Variants in SMURF2 observed in about 807,000 individuals in gnomAD.
SMURF2 encodes E3 ubiquitin-protein ligase SMURF2.
Under a neutral mutation model 109.6 loss-of-function variants are expected in SMURF2, and 48 were observed. The observed-to-expected ratio is 0.44, with a 90% CI of 0.35 to 0.56. The LOEUF (loss-of-function observed/expected upper bound fraction) is 0.56. SMURF2 is among the 20% of genes least tolerant of loss of function. The pLI is 0.01. For missense variants in SMURF2, 575 were observed against 909.0 expected (o/e 0.63, Z 4.72); for synonymous variants, 288 against 317.1 (o/e 0.91, Z 0.97).
chr17:64,593,178 G>A (rs1969772321), intron 4 of SMURF2: 3 of 178,058 alleles, frequency 1.7e-5, no homozygotes, highest in Non-Finnish European at 3.5e-5. Flanking sequence ...CCCTGATTTG[G>A]CTGTAAGTTT....
At chr17:64,590,492 C>T (rs1469272412) in intron 5 of SMURF2, among the ~76,000 whole-genome samples, 4 of 152,038 alleles carry the variant, frequency 2.6e-5, no homozygotes, top group African/African-American at 9.7e-5. Context: ...CAGTGTCCTT[C>T]CATACTAGGC....
At chr17:64,607,176 G>C (rs1043919907) in intron 1 of SMURF2, among the ~76,000 whole-genome samples, 67 of 150,378 alleles carry the variant, frequency 4.5e-4, no homozygotes, top group African/African-American at 1.5e-3. Flanking sequence ...TAAATGACAA[G>C]ATATGTCTAC....
At chr17:64,585,923 A>G (rs561193795) in intron 6 of SMURF2, among the ~76,000 whole-genome samples, 163 bp downstream of exon 6, 1 of 152,336 alleles carries the variant, frequency 6.6e-6, no homozygotes, top group East Asian at 1.9e-4. Flanking sequence ...TATTTTATAA[A>G]TTTGTCGAGA....
intron 1 of SMURF2, among the ~76,000 whole-genome samples, chr17:64,640,693 G>C (rs1970481999): frequency 6.6e-6 from 1 of 152,094 alleles, no homozygotes; most frequent in Admixed American, 6.6e-5. Context: ...GGCCAAGGCA[G>C]GCAGATCACG....
intron 1 of SMURF2, among the ~76,000 whole-genome samples, chr17:64,624,078 G>A (rs1368144691): frequency 1.3e-5 from 2 of 152,144 alleles, no homozygotes; most frequent in Admixed American, 1.3e-4. Flanking sequence ...TTGTTTTTCA[G>A]AGAAAGTTAC....
chr17:64,570,915 G>A (rs150888955), intron 10 of SMURF2, among the ~76,000 whole-genome samples: 125 of 152,168 alleles, frequency 8.2e-4, no homozygotes, highest in African/African-American at 2.7e-3. Flanking sequence ...TGAGTAGCTG[G>A]GACCACAGGT....
chr17:64,640,518 T>C (rs1555692480), intron 1 of SMURF2, among the ~76,000 whole-genome samples: 3 of 152,170 alleles, frequency 2.0e-5, no homozygotes, highest in African/African-American at 7.2e-5. Flanking sequence ...CAAAGTATAA[T>C]GGAAAGACAC....
chr17:64,639,935 A>G (rs1970472650), intron 1 of SMURF2, among the ~76,000 whole-genome samples: 2 of 152,236 alleles, frequency 1.3e-5, no homozygotes, highest in South Asian at 4.1e-4. Context: ...ATAAATATGG[A>G]TTTTAGTTAA....
rs193098263 is a variant in SMURF2, at chr17:64,581,374, C to T, written c.570-383G>A. On this transcript the variant is annotated intron_variant, in intron 7 of 18. Transcript: ENST00000262435. This position sits in a 1 kb window ranked among gnomAD's most constrained non-coding sequence, Gnocchi z 4.3. ...AGCCACACTCATATTCTTCCTGTTCCTTGAACTTGCCAAGGTCATTCCACC... is the reference window on the plus strand; with the variant it reads ...AGCCACACTCATATTCTTCCTGTTCTTTGAACTTGCCAAGGTCATTCCACC... 1.3e-5 allele frequency among the ~76,000 whole-genome samples: 2 copies of T among 152,308 alleles called. No individual in the cohort carries two copies. The highest frequency in any genetic ancestry group is 1.3e-4 in the Admixed American group (2 of 15,302).
At chr17:64,618,096 TAAC>T (rs1555690287) in intron 1 of SMURF2, among the ~76,000 whole-genome samples, 1 of 152,188 alleles carries the variant, frequency 6.6e-6, no homozygotes, top group African/African-American at 2.4e-5. Context: ...AAGCTTATCT[TAAC>T]AAGCATAATA....
chr17:64,599,482 G>GC (rs1258243688), intron 2 of SMURF2, among the ~76,000 whole-genome samples: 1 of 152,206 alleles, frequency 6.6e-6, no homozygotes, highest in East Asian at 1.9e-4. Context: ...TTTAAGGCAG[G>GC]CGTCTCCAAC....
intron 5 of SMURF2, among the ~76,000 whole-genome samples, chr17:64,589,750 T>A (rs1555687492): frequency 6.6e-6 from 1 of 151,962 alleles, no homozygotes; most frequent in Non-Finnish European, 1.5e-5. Context: ...AGCTCAGGGT[T>A]CCCACTGATT....
At chr17:64,552,160 G>A (rs1555683674) in intron 15 of SMURF2, among the ~76,000 whole-genome samples, 1 of 152,156 alleles carries the variant, frequency 6.6e-6, no homozygotes, top group Non-Finnish European at 1.5e-5. Flanking sequence ...AGAGGAGGTA[G>A]AGAATCCTCA....
intron 12 of SMURF2, among the ~76,000 whole-genome samples, chr17:64,559,644 G>A (rs1555684347): frequency 2.6e-5 from 4 of 151,376 alleles, no homozygotes; most frequent in East Asian, 2.0e-4. Flanking sequence ...GGTGGCTCGC[G>A]CCTGTAATTC....
intron 5 of SMURF2, among the ~76,000 whole-genome samples, chr17:64,588,098 A>T (rs1267220599): frequency 6.6e-6 from 1 of 151,758 alleles, no homozygotes; most frequent in East Asian, 1.9e-4. Flanking sequence ...GTCCAAAAAA[A>T]AAAAAAAAAA....
chr17:64,606,158 G>C (rs1969967747), intron 2 of SMURF2, among the ~76,000 whole-genome samples: 1 of 152,270 alleles, frequency 6.6e-6, no homozygotes, highest in Middle Eastern at 3.4e-3. Flanking sequence ...AAATGTGGCA[G>C]AGATTTCTTT....
intron 6 of SMURF2, among the ~76,000 whole-genome samples, chr17:64,584,419 C>T (rs1366115488): frequency 3.7e-5 from 5 of 135,014 alleles, no homozygotes; most frequent in Non-Finnish European, 7.6e-5. Context: ...AGTGCAGTGG[C>T]GCGATCTCAG....
chr17:64,620,038 T>C (rs1970181591), intron 1 of SMURF2, among the ~76,000 whole-genome samples: 1 of 152,232 alleles, frequency 6.6e-6, no homozygotes, highest in Non-Finnish European at 1.5e-5. Context: ...GCTTCCCTAG[T>C]GAACCTGCTC....
At chr17:64,567,330 AAACT>A (rs1329535340) in intron 10 of SMURF2, among the ~76,000 whole-genome samples, 1 of 152,232 alleles carries the variant, frequency 6.6e-6, no homozygotes, top group Non-Finnish European at 1.5e-5. Context: ...CAAAATTGGA[AAACT>A]AACAATTATA....
Sources: gnomAD v4.1 joint callset for allele counts (sites outside exome capture counted in the v4.1 genomes callset) on GRCh38, gnomAD v4.1.1 for gene constraint, Gnocchi (gnomAD v3.1) non-coding constraint, MANE v1.5 for transcripts, NCBI Gene and HGNC (gene_info 2026-07-23, HGNC 2026-07-21) for gene names.